GPC6: variants seen among roughly 807,000 people sequenced by gnomAD.
GPC6 encodes the protein glypican 6, also known as glypican-6.
GPC6 carries 14 observed loss-of-function variants against 55.2 expected under a neutral mutation model. That is an observed-to-expected ratio of 0.25 (90% CI 0.17 to 0.40). The LOEUF is 0.40. Among genes scored for constraint, GPC6 ranks in the 10% least tolerant of loss-of-function variants. The pLI, the probability that GPC6 is intolerant of heterozygous loss-of-function variation, is 1.00. For missense variants in GPC6, 641 were observed against 708.5 expected, an observed-to-expected ratio of 0.90 and a Z score of 1.08; for synonymous variants, 278 against 259.6, an observed-to-expected ratio of 1.07 and a Z score of -0.68.
chr13:93,784,805 A>G (rs764177096), intron 2 of GPC6, among the ~76,000 whole-genome samples: 2 of 152,220 alleles, frequency 1.3e-5, no homozygotes, highest in Non-Finnish European at 2.9e-5. Context: ...TGATTGTGAT[A>G]TGGTGCCTCA....
chr13:93,277,297 C>T (rs1045238418), intron 1 of GPC6, among the ~76,000 whole-genome samples: 1 of 152,194 alleles, frequency 6.6e-6, no homozygotes, highest in Non-Finnish European at 1.5e-5. Context: ...ATTTAATCTC[C>T]CTCTGTCTCA....
chr13:93,352,640 T>C (rs1880672261), intron 1 of GPC6, among the ~76,000 whole-genome samples: 1 of 151,824 alleles, frequency 6.6e-6, no homozygotes, highest in African/African-American at 2.4e-5. Context: ...ATCAATTTGG[T>C]TGGGTTGGAG....
intron 1 of GPC6, among the ~76,000 whole-genome samples, chr13:93,475,159 TAC>T (rs35324469): frequency 1.4e-4 from 21 of 149,554 alleles, no homozygotes; most frequent in African/African-American, 2.5e-4. Context: ...AATAAATAAA[TAC>T]ACACACACAC....
intron 2 of GPC6, among the ~76,000 whole-genome samples, chr13:93,647,489 C>T (rs1257521408): frequency 6.6e-6 from 1 of 151,978 alleles, no homozygotes; most frequent in Non-Finnish European, 1.5e-5. Context: ...TAAGACTGAA[C>T]CGGGGGAGAT....
At chr13:93,439,333 T>C (rs1877689081) in intron 1 of GPC6, among the ~76,000 whole-genome samples, 1 of 151,930 alleles carries the variant, frequency 6.6e-6, no homozygotes, top group Admixed American at 6.6e-5. Context: ...CAGTGGGAGG[T>C]ATCTGGTGGG....
intron 1 of GPC6, among the ~76,000 whole-genome samples, chr13:93,457,476 A>G (rs1878498398): frequency 6.6e-6 from 1 of 152,218 alleles, no homozygotes; most frequent in Admixed American, 6.5e-5. Context: ...CCAAAATTCC[A>G]GTGTCTTAGA....
chr13:94,284,169 C>T (rs970573560), intron 4 of GPC6, among the ~76,000 whole-genome samples: 3 of 152,156 alleles, frequency 2.0e-5, no homozygotes, highest in South Asian at 2.1e-4. Context: ...GTGGGCCATG[C>T]AGACCCTCTG....
At chr13:93,251,346 C>T (rs1436767174) in intron 1 of GPC6, among the ~76,000 whole-genome samples, 2 of 152,154 alleles carry the variant, frequency 1.3e-5, no homozygotes, top group Admixed American at 1.3e-4. Flanking sequence ...GTAACAGACC[C>T]TCATGCCCTT....
intron 4 of GPC6, among the ~76,000 whole-genome samples, chr13:94,083,396 G>A (rs1189165889): frequency 3.9e-5 from 6 of 152,204 alleles, no homozygotes; most frequent in Non-Finnish European, 7.3e-5. Context: ...GGGATTACAG[G>A]CATGAGCCAC....
At chr13:93,257,141 C>A (rs560336086) in intron 1 of GPC6, among the ~76,000 whole-genome samples, 29 of 144,414 alleles carry the variant, frequency 2.0e-4, no homozygotes, top group Non-Finnish European at 3.4e-4. Flanking sequence ...CTTTTCTCTA[C>A]CAAAAAAAAA....
chr13:93,536,040 A>G (rs2139419690), intron 1 of GPC6, among the ~76,000 whole-genome samples: 1 of 152,222 alleles, frequency 6.6e-6, no homozygotes, highest in Admixed American at 6.5e-5. Context: ...GGATGCTTCA[A>G]AGTTCCAGCG....
At chr13:93,341,664 A>G (rs1406567495) in intron 1 of GPC6, among the ~76,000 whole-genome samples, 1 of 146,900 alleles carries the variant, frequency 6.8e-6, no homozygotes, top group African/African-American at 2.5e-5. Context: ...TCAGATGCAT[A>G]GTTTGCAAAT....
intron 1 of GPC6, among the ~76,000 whole-genome samples, chr13:93,521,197 A>G (rs536206617): frequency 3.3e-5 from 5 of 152,102 alleles, no homozygotes; most frequent in African/African-American, 9.6e-5. Flanking sequence ...ATCTGTTGAG[A>G]TAATTTATTC....
intron 1 of GPC6, among the ~76,000 whole-genome samples, chr13:93,440,411 T>C (rs1877743178): frequency 2.0e-5 from 3 of 152,228 alleles, no homozygotes; most frequent in Admixed American, 2.0e-4. Context: ...TTTTTCTTTA[T>C]TGTTATGGCT....
chr13:94,037,816 T>C (rs979610486), intron 4 of GPC6, among the ~76,000 whole-genome samples: 10 of 151,938 alleles, frequency 6.6e-5, no homozygotes, highest in Non-Finnish European at 1.3e-4. Context: ...AAATTGAGAA[T>C]CTGATATTGC....
chr13:93,219,037 G>C, the GPC6 span, among the ~76,000 whole-genome samples: 2 of 16,790 alleles, frequency 1.2e-4, no homozygotes, highest in Non-Finnish European at 7.5e-4. Flanking sequence ...TTGTAGAATG[G>C]TATATTAATA....
intron 3 of GPC6, among the ~76,000 whole-genome samples, chr13:93,832,917 T>C (rs545941880): frequency 1.7e-3 from 266 of 152,320 alleles, no homozygotes; most frequent in Non-Finnish European, 2.3e-3. Flanking sequence ...ATATAGTCCG[T>C]AGGTCATTTA....
intron 4 of GPC6, among the ~76,000 whole-genome samples, chr13:94,122,825 G>A (rs1281754638): frequency 6.6e-6 from 1 of 151,880 alleles, no homozygotes; most frequent in African/African-American, 2.4e-5. Flanking sequence ...GCTTACTTCA[G>A]AAATCATACT....
intron 1 of GPC6, among the ~76,000 whole-genome samples, chr13:93,335,060 T>C (rs1297260508): frequency 6.6e-6 from 1 of 152,236 alleles, no homozygotes; most frequent in Non-Finnish European, 1.5e-5. Flanking sequence ...CTTCCAACTG[T>C]TGATGCATCT....
Sources: gnomAD v4.1 joint callset for allele counts (sites outside exome capture counted in the v4.1 genomes callset) on GRCh38, gnomAD v4.1.1 for gene constraint, MANE v1.5 for transcripts, NCBI Gene and HGNC (gene_info 2026-07-23, HGNC 2026-07-21) for gene names.